Variants in TXK observed in about 807,000 individuals in gnomAD.
The protein encoded by TXK is TXK tyrosine kinase.
In TXK, 60 loss-of-function variants were observed where a neutral mutation model predicts 81.0. The observed-to-expected ratio is 0.74, with a 90% CI of 0.60 to 0.92. TXK has a LOEUF of 0.92. Among genes scored for constraint, TXK ranks in the 40% least tolerant of loss-of-function variants. The pLI, the probability that TXK is intolerant of heterozygous loss-of-function variation, is 0.00. For missense variants in TXK, 581 were observed against 638.3 expected (o/e 0.91, Z 0.97); for synonymous variants, 203 against 210.7 (o/e 0.96, Z 0.32).
At chr4:48,092,573 T>C (rs2661522) in intron 8 of TXK, among the ~76,000 whole-genome samples, 6,879 of 71,090 alleles carry the variant, frequency 0.097, 517 homozygotes, top group African/African-American at 0.24. Flanking sequence ...TTTCCAAAAG[T>C]GTGACTTACA....
At chr4:48,099,703 G>T (rs1255453201) in intron 6 of TXK, among the ~76,000 whole-genome samples, 1 of 152,128 alleles carries the variant, frequency 6.6e-6, no homozygotes, top group Non-Finnish European at 1.5e-5. Flanking sequence ...TCCTCTATGA[G>T]GACTGATCAG....
rs553210595 is a variant in TXK, at chr4:48,093,445, A to C, written c.709+632T>G. ...AGAGTGGTTCAGCACAGGTTGGGCAAGGGCTGAAGGCCAGAGAGGTGATTT... is the reference window on the plus strand; with the variant it reads ...AGAGTGGTTCAGCACAGGTTGGGCACGGGCTGAAGGCCAGAGAGGTGATTT... On this transcript the variant is annotated intron_variant, in intron 8 of 14. Transcript: ENST00000264316. 5.2e-5 allele frequency among the ~76,000 whole-genome samples: 8 copies of C among 152,382 alleles called. No homozygotes were observed. In the South Asian group the frequency reaches 1.4e-3, roughly 28 times the overall value.
chr4:48,111,316 T>G (rs1718626875), intron 4 of TXK, among the ~76,000 whole-genome samples: 1 of 152,206 alleles, frequency 6.6e-6, no homozygotes, highest in Non-Finnish European at 1.5e-5. Context: ...CTACAAACAA[T>G]ACCATATATT....
intron 10 of TXK, among the ~76,000 whole-genome samples, chr4:48,085,874 C>A (rs1577656583): frequency 6.6e-6 from 1 of 152,186 alleles, no homozygotes; most frequent in South Asian, 2.1e-4. Context: ...AAAATCTCTG[C>A]ATTCACCATC....
intron 1 of TXK, 84 bp from the exon 2 acceptor site, chr4:48,114,486 T>C (rs1295868119): frequency 7.2e-7 from 1 of 1,380,674 alleles, no homozygotes; most frequent in Non-Finnish European, 1.0e-6. Context: ...GTGAGACGAA[T>C]TATTATAAAG....
chr4:48,076,391 A>T lies in TXK; in HGVS notation c.1238+11T>A. 6.3e-7 allele frequency: 1 copy of T among 1,579,692 alleles called. No individual in the cohort carries two copies. The highest frequency in any genetic ancestry group is 8.7e-7 in the Non-Finnish European group (1 of 1,153,992). On this transcript the variant is annotated intron_variant, in intron 12 of 14. Transcript: ENST00000264316. ...ACAAACAAAATACATATATATATAC[A>T]TAGCATGTACCTTGTCATTCCAAAG...
chr4:48,115,642 T>G (rs947818988), intron 1 of TXK, among the ~76,000 whole-genome samples: 13 of 151,646 alleles, frequency 8.6e-5, no homozygotes, highest in Non-Finnish European at 1.9e-4. Context: ...AGCCCAGGAG[T>G]TCGAGATCAG....
intron 10 of TXK, among the ~76,000 whole-genome samples, chr4:48,085,792 A>G (rs1339113692): frequency 6.6e-6 from 1 of 152,094 alleles, no homozygotes; most frequent in Non-Finnish European, 1.5e-5. Context: ...CTCCCAGGGA[A>G]GATCATCTTC....
intron 7 of TXK, among the ~76,000 whole-genome samples, chr4:48,094,568 T>C (rs1262371079): frequency 6.6e-6 from 1 of 152,210 alleles, no homozygotes; most frequent in East Asian, 1.9e-4. Flanking sequence ...GAAAAACCAA[T>C]GCCAGGTGCA....
At position 48,134,109 on chromosome 4, in the gene TXK, C is replaced by G. The variant is rs1359613462; in HGVS notation, c.16+46G>C. 8 of 1,610,488 alleles carry G rather than the reference C, an allele frequency of 5.0e-6. No homozygotes were observed. The South Asian group carries it at 7.8e-5, about 16-fold the overall frequency. On this transcript the variant is annotated intron_variant, in intron 1 of 14. Transcript: ENST00000264316. Reference sequence around the variant, plus strand: ...CCTCTGCTGTTCAAGAATAACAGGCCCCAGAACAAGCCCCAAAAATAAATG... The same window carrying G: ...CCTCTGCTGTTCAAGAATAACAGGCGCCAGAACAAGCCCCAAAAATAAATG...
Position 48,104,898 on chromosome 4 carries a change from T to C in TXK, c.501+3A>G, listed in dbSNP as rs758200580. 6.3e-7 allele frequency: 1 copy of C among 1,589,514 alleles called. No homozygotes were observed. The highest frequency in any genetic ancestry group is 1.7e-4 in the Middle Eastern group (1 of 5,986). ...GAAAATGTCCACAAATACATTGAAT[T>C]ACCTCTTGTCTCAATAGATGTTCTG... is the stretch of plus-strand genomic sequence containing the variant. On this transcript the variant is annotated splice_donor_region_variant and intron_variant, in intron 6 of 14. Coordinates refer to ENST00000264316, the MANE Select transcript of TXK (RefSeq NM_003328.3).
intron 12 of TXK, among the ~76,000 whole-genome samples, chr4:48,075,219 G>A (rs1402459102): frequency 1.3e-5 from 2 of 152,166 alleles, no homozygotes; most frequent in Non-Finnish European, 2.9e-5. Context: ...TTAGGTTGGT[G>A]GGATTTAAAA....
rs115815424 is a variant in TXK, at chr4:48,118,109, T to C, written c.17-3707A>G. ...TTGGCAGACCAATTTGTTTTTACCA[T>C]TGCCCATGAATCGAGGTAGATCGGT... On this transcript the variant is annotated intron_variant, in intron 1 of 14. Transcript: ENST00000264316. Among the ~76,000 whole-genome samples, 1,323 of 152,340 alleles carry C rather than the reference T, an allele frequency of 8.7e-3. 16 individuals carry two copies. The highest frequency in any genetic ancestry group is 0.023 in the African/African-American group (975 of 41,588).
Position 48,089,851 on chromosome 4 carries a change from CA to C in TXK, c.710-28del, listed in dbSNP as rs145206796. Reference sequence around the variant, plus strand: ...TAAGGAGAAAGAGAAATCAATATTTCAAGCCTAGTTGCTAATATAGAAGAAA... The same window carrying C: ...TAAGGAGAAAGAGAAATCAATATTTCAGCCTAGTTGCTAATATAGAAGAAA... On this transcript the variant is annotated intron_variant, in intron 8 of 14. Transcript: ENST00000264316. The C allele has an allele frequency of 7.2e-5, 110 of 1,524,410 alleles. No homozygotes were observed. In the East Asian group the frequency reaches 1.9e-3, roughly 26 times the overall value. 94.4% of individuals were successfully genotyped at this position (1,524,410 alleles called of 1,614,324 possible).
chr4:48,122,767 T>C (rs941346419), intron 1 of TXK, among the ~76,000 whole-genome samples: 11 of 152,272 alleles, frequency 7.2e-5, no homozygotes, highest in African/African-American at 2.4e-4. Context: ...TCAGAGGATG[T>C]ACCTGTCTTG....
chr4:48,081,133 T>C (rs1717285465), intron 10 of TXK, among the ~76,000 whole-genome samples: 1 of 152,056 alleles, frequency 6.6e-6, no homozygotes, highest in African/African-American at 2.4e-5. Flanking sequence ...TTGTCTGATT[T>C]ACTTTTTGAA....
At chr4:48,103,972 C>A (rs1306997936) in intron 6 of TXK, among the ~76,000 whole-genome samples, 3 of 151,178 alleles carry the variant, frequency 2.0e-5, no homozygotes, top group African/African-American at 4.9e-5. Flanking sequence ...GGAGGCCAAG[C>A]CGGGCTGATC....
intron 1 of TXK, among the ~76,000 whole-genome samples, chr4:48,128,726 G>T (rs868834474): frequency 2.8e-4 from 42 of 151,492 alleles, no homozygotes; most frequent in African/African-American, 9.2e-4. Flanking sequence ...CACCACGCCC[G>T]GCTAATTTCT....
intron 12 of TXK, among the ~76,000 whole-genome samples, chr4:48,075,070 C>T (rs1577647569): frequency 6.6e-6 from 1 of 151,830 alleles, no homozygotes; most frequent in East Asian, 1.9e-4. Flanking sequence ...ATCTTTTTCC[C>T]CCAAAAAGAG....
Sources: gnomAD v4.1 joint callset for allele counts (sites outside exome capture counted in the v4.1 genomes callset) on GRCh38, gnomAD v4.1.1 for gene constraint, MANE v1.5 for transcripts, NCBI Gene and HGNC (gene_info 2026-07-23, HGNC 2026-07-21) for gene names.